The following MAPK14 variants were observed in gnomAD, a reference collection of about 807,000 sequenced individuals.
MAPK14 encodes CSAID-binding protein.
MAPK14 carries 16 observed loss-of-function variants against 49.6 expected under a neutral mutation model. The observed-to-expected ratio is 0.32, with a 90% CI of 0.22 to 0.49. MAPK14 has a LOEUF of 0.49. Among genes scored for constraint, MAPK14 ranks in the 20% least tolerant of loss-of-function variants. MAPK14 has a pLI of 0.99. For synonymous variants in MAPK14, 142 were observed against 158.0 expected, an observed-to-expected ratio of 0.90 and a Z score of 0.76; for missense variants, 200 against 441.2, an observed-to-expected ratio of 0.45 and a Z score of 4.90.
intron 3 of MAPK14, among the ~76,000 whole-genome samples, chr6:36,068,630 ATAG>A (rs1764153476): frequency 1.3e-5 from 2 of 152,246 alleles, no homozygotes; most frequent in South Asian, 4.1e-4. Context: ...AATAGGACTG[ATAG>A]TAGTAAGAGA....
Position 36,075,426 on chromosome 6 carries a change from C to T in MAPK14, c.496-422C>T, listed in dbSNP as rs150762599. ...CTGGCCTTTGCTTGGTGTAATGATT[C>T]GGTATTGTTGTGTGTGTCAGTGGTT... On this transcript the variant is annotated intron_variant, in intron 6 of 11. Transcript: ENST00000229794. Among the ~76,000 whole-genome samples, 7 of 151,998 alleles carry T rather than the reference C, an allele frequency of 4.6e-5. No homozygotes were observed. The East Asian group carries it at 7.7e-4, about 17-fold the overall frequency.
intron 8 of MAPK14, among the ~76,000 whole-genome samples, chr6:36,094,812 G>C (rs1581838244): frequency 6.6e-6 from 1 of 152,172 alleles, no homozygotes; most frequent in South Asian, 2.1e-4. Context: ...ATTCTAGGCT[G>C]TGATAAGCAC....
At chr6:36,103,257 G>A (rs951201663) in intron 10 of MAPK14, among the ~76,000 whole-genome samples, 1 of 152,174 alleles carries the variant, frequency 6.6e-6, no homozygotes, top group East Asian at 1.9e-4. Context: ...CCTTGGCAGA[G>A]GGAAGTGATG....
chr6:36,088,710 A>C (rs1470056092), intron 8 of MAPK14, among the ~76,000 whole-genome samples: 1 of 150,070 alleles, frequency 6.7e-6, no homozygotes, highest in African/African-American at 2.5e-5. Flanking sequence ...CGACAGAGCG[A>C]GACTCCGTCT....
chr6:36,036,306 A>C (rs369058889), intron 1 of MAPK14, among the ~76,000 whole-genome samples: 1 of 152,038 alleles, frequency 6.6e-6, no homozygotes, highest in Non-Finnish European at 1.5e-5. Context: ...TCAGGAATGA[A>C]TAAATAAAGT....
At chr6:36,065,332 T>C (rs1400739379) in intron 3 of MAPK14, among the ~76,000 whole-genome samples, 1 of 152,158 alleles carries the variant, frequency 6.6e-6, no homozygotes, top group African/African-American at 2.4e-5. Context: ...AGGGCAGGTA[T>C]AGAGTGCTAA....
chr6:36,085,424 C>T (rs967115906), intron 8 of MAPK14, among the ~76,000 whole-genome samples: 1 of 152,062 alleles, frequency 6.6e-6, no homozygotes, highest in East Asian at 1.9e-4. Context: ...ATTCAAGAGA[C>T]CCATCTAACA....
At chr6:36,031,852 G>A (rs1762555780) in intron 1 of MAPK14, among the ~76,000 whole-genome samples, 1 of 152,172 alleles carries the variant, frequency 6.6e-6, no homozygotes, top group Non-Finnish European at 1.5e-5. Context: ...TCAGATAGGA[G>A]TTATAACTAT....
At chr6:36,106,723 A>G (rs1309580122) in intron 10 of MAPK14, among the ~76,000 whole-genome samples, 1 of 152,212 alleles carries the variant, frequency 6.6e-6, no homozygotes, top group Non-Finnish European at 1.5e-5. Flanking sequence ...TGTTCACTTT[A>G]TCATAGTTTT....
At chr6:36,035,638 T>A (rs1161086925) in intron 1 of MAPK14, among the ~76,000 whole-genome samples, 1 of 152,198 alleles carries the variant, frequency 6.6e-6, no homozygotes, top group Non-Finnish European at 1.5e-5. Context: ...AATTTGTGAA[T>A]GCAAATGAAA....
At chr6:36,045,186 A>C (rs1763124112) in intron 1 of MAPK14, among the ~76,000 whole-genome samples, 1 of 152,108 alleles carries the variant, frequency 6.6e-6, no homozygotes, top group Non-Finnish European at 1.5e-5. Flanking sequence ...CTTTGCTAAT[A>C]ATGAACTGTA....
At position 36,085,121 on chromosome 6, in the gene MAPK14, G is replaced by A. The variant is rs117511651; in HGVS notation, c.682+8513G>A. Among the ~76,000 whole-genome samples, 166 of 152,318 alleles carry A rather than the reference G, an allele frequency of 1.1e-3. 3 individuals carry two copies. The East Asian group carries it at 0.029, about 27-fold the overall frequency. Reference sequence around the variant, plus strand: ...AATCCTTTTTAGACAAGCAAATGCTGAGGGAATTCGTCACCACCAGGCCTG... The same window carrying A: ...AATCCTTTTTAGACAAGCAAATGCTAAGGGAATTCGTCACCACCAGGCCTG... On this transcript the variant is annotated intron_variant, in intron 8 of 11. Transcript: ENST00000229794.
rs1399766105 is a variant in MAPK14, at chr6:36,102,680, A to G, written c.841+31A>G. On this transcript the variant is annotated intron_variant, in intron 10 of 11. Coordinates refer to ENST00000229794, the MANE Select transcript of MAPK14 (RefSeq NM_139012.3). ...TTGACCATATATCCTCACCTCATGG[A>G]TATTGAATTGGTTATGATATAAATT... The G allele has an allele frequency of 2.5e-6, 4 of 1,611,632 alleles. No individual in the cohort carries two copies. The African/African-American group carries it at 5.3e-5, about 22-fold the overall frequency.
At position 36,057,767 on chromosome 6, in the gene MAPK14, A is replaced by G. The variant is rs1167308719; in HGVS notation, c.247-1522A>G. Among the ~76,000 whole-genome samples, 3 of 152,126 alleles carry G rather than the reference A, an allele frequency of 2.0e-5. No individual in the cohort carries two copies. The South Asian group carries it at 6.2e-4, about 31-fold the overall frequency. ...ATTTGGATGAGTGGAGTAACATCCT[A>G]ATTAGAAGATCTTTTTCATGATAAT... On this transcript the variant is annotated intron_variant, in intron 2 of 11. Transcript: ENST00000229794.
chr6:36,099,678 G>A (rs1581845929), intron 9 of MAPK14, among the ~76,000 whole-genome samples: 1 of 152,164 alleles, frequency 6.6e-6, no homozygotes, highest in East Asian at 1.9e-4. Context: ...ATGTGGCATT[G>A]CTTATTAACC....
chr6:36,049,072 G>C (rs183392620), intron 1 of MAPK14, among the ~76,000 whole-genome samples: 4 of 152,170 alleles, frequency 2.6e-5, no homozygotes. Context: ...AGGATGGACA[G>C]TATTTAGAGA....
chr6:36,106,584 T>A (rs1160093649), intron 10 of MAPK14, among the ~76,000 whole-genome samples: 7 of 152,210 alleles, frequency 4.6e-5, no homozygotes, highest in Admixed American at 4.6e-4. Context: ...GGAAGATGTC[T>A]TCGTGTTGAA....
chr6:36,092,448 A>G, intron 8 of MAPK14: 2 of 660,408 alleles, frequency 3.0e-6, no homozygotes, highest in Non-Finnish European at 5.7e-6. Context: ...CGTTCTCTGC[A>G]GCACAGGGAT....
rs200747040 is a variant in MAPK14, at chr6:36,108,414, A to G, written c.1050A>G (p.Pro350=). ...ATGATGAAGTCATCAGCTTTGTGCC[A>G]CCACCCCTTGACCAAGAAGAGATGG... The part of the protein sequence containing the change: ...LTYDEVISFV[P]PPLDQEEMES The change falls in exon 12 of 12, where the codon CCA becomes CCG. Residue 350 remains proline (P), a synonymous_variant. Transcript: ENST00000229794. 3 of 1,614,058 alleles carry G rather than the reference A, an allele frequency of 1.9e-6. No individual in the cohort carries two copies. The highest frequency in any genetic ancestry group is 2.2e-5 in the East Asian group (1 of 44,870).
Sources: gnomAD v4.1 joint callset for allele counts (sites outside exome capture counted in the v4.1 genomes callset) on GRCh38, gnomAD v4.1.1 for gene constraint, MANE v1.5 for transcripts, NCBI Gene and HGNC (gene_info 2026-07-23, HGNC 2026-07-21) for gene names.